HMGA2: variants seen among roughly 807,000 people sequenced by gnomAD.
HMGA2 encodes high mobility group protein HMGI-C.
Under a neutral mutation model 19.1 loss-of-function variants are expected in HMGA2, and 8 were observed. The observed-to-expected ratio is 0.42, with a 90% CI of 0.25 to 0.76. The LOEUF is 0.76. HMGA2 is among the 30% of genes least tolerant of loss of function. The pLI is 0.28. For synonymous variants in HMGA2, 60 were observed against 48.8 expected (o/e 1.23, Z -0.96); for missense variants, 109 against 136.3 (o/e 0.80, Z 1.00).
chr12:65,953,675 C>T (rs1358925847), intron 4 of HMGA2: 1 of 152,164 alleles, frequency 6.6e-6, no homozygotes, highest in African/African-American at 2.4e-5. Flanking sequence ...CTTACAGACC[C>T]TGTTCCAGAT....
intron 3 of HMGA2, among the ~76,000 whole-genome samples, chr12:65,845,149 T>C (rs558884626): frequency 6.6e-6 from 1 of 152,304 alleles, no homozygotes; most frequent in Admixed American, 6.5e-5. Context: ...ATTAATAAAA[T>C]TAATATGCCA....
chr12:65,943,888 C>T (rs1272508395), intron 3 of HMGA2, among the ~76,000 whole-genome samples: 1 of 152,142 alleles, frequency 6.6e-6, no homozygotes, highest in Admixed American at 6.5e-5. Flanking sequence ...CAGAGAAAAC[C>T]CTGACTAGCT....
At chr12:65,897,201 C>T (rs1874165335) in intron 3 of HMGA2, among the ~76,000 whole-genome samples, 1 of 152,148 alleles carries the variant, frequency 6.6e-6, no homozygotes, top group African/African-American at 2.4e-5. Flanking sequence ...AGGTATTCAT[C>T]ACCTCAAGCA....
intron 2 of HMGA2, among the ~76,000 whole-genome samples, chr12:65,829,866 C>T (rs1870400273): frequency 6.6e-6 from 1 of 151,952 alleles, no homozygotes; most frequent in Non-Finnish European, 1.5e-5. Flanking sequence ...TAAAGTTGAT[C>T]TATTCCTAAG....
chr12:65,882,826 A>G (rs1435264428), intron 3 of HMGA2, among the ~76,000 whole-genome samples: 1 of 152,230 alleles, frequency 6.6e-6, no homozygotes, highest in Admixed American at 6.5e-5. Flanking sequence ...TTGTTCAAAA[A>G]TACCTGATCT....
At chr12:65,912,488 C>A (rs756118474) in intron 3 of HMGA2, among the ~76,000 whole-genome samples, 10 of 152,162 alleles carry the variant, frequency 6.6e-5, no homozygotes, top group Non-Finnish European at 1.3e-4. Context: ...CTGTCTAGAA[C>A]CCTTCTGAAA....
At chr12:65,937,083 A>G (rs1455714861) in intron 3 of HMGA2, among the ~76,000 whole-genome samples, 1 of 152,212 alleles carries the variant, frequency 6.6e-6, no homozygotes, top group African/African-American at 2.4e-5. Context: ...AGCAACTACA[A>G]TCAAAGATAG....
At chr12:65,881,359 T>A (rs1873374551) in intron 3 of HMGA2, 1 of 226,598 alleles carries the variant, frequency 4.4e-6, no homozygotes, top group South Asian at 9.5e-5. Context: ...GAATGAAACA[T>A]AATCAGATTT....
At chr12:65,911,218 A>G (rs191145947) in intron 3 of HMGA2, among the ~76,000 whole-genome samples, 2 of 152,332 alleles carry the variant, frequency 1.3e-5, no homozygotes, top group East Asian at 3.9e-4. Flanking sequence ...CAAATTTTAG[A>G]AGATGCCTCT....
intron 3 of HMGA2, among the ~76,000 whole-genome samples, chr12:65,888,715 C>G (rs914257153): frequency 1.3e-5 from 2 of 151,020 alleles, no homozygotes; most frequent in Non-Finnish European, 3.0e-5. Flanking sequence ...AGGCGCCCGC[C>G]ACCACGCCCG....
chr12:65,945,435 C>G (rs894975729), intron 3 of HMGA2, among the ~76,000 whole-genome samples: 1 of 151,888 alleles, frequency 6.6e-6, no homozygotes. Context: ...AGGTAAATGT[C>G]AAATTCAAAG....
At chr12:65,887,762 A>G (rs1314884003) in intron 3 of HMGA2, among the ~76,000 whole-genome samples, 1 of 152,124 alleles carries the variant, frequency 6.6e-6, no homozygotes, top group African/African-American at 2.4e-5. Flanking sequence ...ACAATAGTTA[A>G]ATCTTACCTT....
At chr12:65,928,243 G>A (rs1057316520) in intron 3 of HMGA2, among the ~76,000 whole-genome samples, 1 of 152,096 alleles carries the variant, frequency 6.6e-6, no homozygotes, top group Admixed American at 6.6e-5. Context: ...AAGTATTTGT[G>A]TATCAAAACA....
At chr12:65,920,135 G>A (rs1422798722) in intron 3 of HMGA2, among the ~76,000 whole-genome samples, 1 of 152,106 alleles carries the variant, frequency 6.6e-6, no homozygotes, top group East Asian at 1.9e-4. Flanking sequence ...ATTTTTTAGT[G>A]GTGGGGGAGT....
chr12:65,868,351 A>G (rs973946163), intron 3 of HMGA2, among the ~76,000 whole-genome samples: 2 of 151,618 alleles, frequency 1.3e-5, no homozygotes, highest in Admixed American at 6.6e-5. Flanking sequence ...ATTTGTTCTT[A>G]GAGTTCAGAA....
intron 3 of HMGA2, chr12:65,859,975 C>T (rs1330743491): frequency 1.4e-5 from 6 of 433,302 alleles, no homozygotes; most frequent in African/African-American, 4.1e-5. Flanking sequence ...CACCTATAGT[C>T]CCAGCTACTC....
chr12:65,915,423 G>T, intron 3 of HMGA2: 2 of 1,272,250 alleles, frequency 1.6e-6, no homozygotes, highest in South Asian at 1.6e-5. Context: ...AGAGTAGAGG[G>T]TGGGCTGAAC....
At chr12:65,852,420 T>C (rs1472660354) in intron 3 of HMGA2, among the ~76,000 whole-genome samples, 1 of 152,116 alleles carries the variant, frequency 6.6e-6, no homozygotes, top group African/African-American at 2.4e-5. Context: ...AAAGAATCTC[T>C]TGAACTCGGG....
intron 3 of HMGA2, among the ~76,000 whole-genome samples, chr12:65,916,105 G>A (rs1434996513): frequency 1.3e-5 from 2 of 152,122 alleles, no homozygotes; most frequent in African/African-American, 4.8e-5. Flanking sequence ...CCACAACTTT[G>A]AACAAGTCCC....
Sources: allele counts gnomAD v4.1 joint callset (sites outside exome capture counted in the v4.1 genomes callset), GRCh38; gene constraint gnomAD v4.1.1; transcripts MANE v1.5; gene names NCBI Gene and HGNC (gene_info 2026-07-23, HGNC 2026-07-21).